CEP162: variants seen among roughly 807,000 people sequenced by gnomAD.
The protein encoded by CEP162 is centrosomal protein of 162 kDa.
CEP162 carries 141 observed loss-of-function variants against 169.2 expected under a neutral mutation model. That is an observed-to-expected ratio of 0.83 (90% CI 0.73 to 0.96). CEP162 has a LOEUF of 0.96. CEP162 is among the 40% of genes least tolerant of loss of function. The pLI is 0.00. For missense variants in CEP162, 1,600 were observed against 1,587.2 expected, an observed-to-expected ratio of 1.01 and a Z score of -0.14; for synonymous variants, 540 against 526.4, an observed-to-expected ratio of 1.03 and a Z score of -0.35.
intron 25 of CEP162, among the ~76,000 whole-genome samples, chr6:84,127,353 T>C (rs538929584): frequency 6.6e-6 from 1 of 152,266 alleles, no homozygotes; most frequent in South Asian, 2.1e-4. Flanking sequence ...GTATCTTACC[T>C]ACATTAGTTG....
chr6:84,208,429 T>C (rs1458899703), intron 6 of CEP162, among the ~76,000 whole-genome samples: 1 of 152,196 alleles, frequency 6.6e-6, no homozygotes, highest in Non-Finnish European at 1.5e-5. Context: ...AGAAACAGGA[T>C]GGCTTGATGG....
intron 2 of CEP162, among the ~76,000 whole-genome samples, chr6:84,221,460 G>A (rs1446631828): frequency 3.9e-5 from 6 of 152,150 alleles, no homozygotes; most frequent in Non-Finnish European, 8.8e-5. Flanking sequence ...GAAAAAACGG[G>A]AGGATACAGT....
intron 12 of CEP162, 125 bp downstream of exon 12, chr6:84,186,207 A>C (rs2099537073): frequency 1.7e-6 from 1 of 571,592 alleles, no homozygotes; most frequent in Non-Finnish European, 3.1e-6. Flanking sequence ...TCCAAGATCT[A>C]CTGTGGAGGT....
At position 84,174,741 on chromosome 6, in the gene CEP162, T is replaced by A. The variant is rs781364434; in HGVS notation, c.2011A>T (p.Ile671Phe). The A allele has an allele frequency of 9.5e-6, 14 of 1,469,686 alleles. 1 individual carries two copies. Among genetic ancestry groups the A allele is most frequent in the Middle Eastern group, 1.7e-4 (1 of 5,818 alleles). 91.0% of individuals were successfully genotyped at this position (1,469,686 alleles called of 1,614,324 possible). ...GTATCTAGTACCTTGGCTTGAAGAA[T>A]ATAATTATCTTGATTCAATTTGAAG... is the stretch of plus-strand genomic sequence containing the variant. The part of the protein sequence containing the change: ...ELFKLNQDNY[I>F]LQAKLSSFEE... Residue 671 changes from isoleucine to phenylalanine, a missense_variant, in exon 15 of 27, where the codon ATT (isoleucine) becomes TTT (phenylalanine). Physicochemically the swap from Ile to Phe is conservative, Grantham distance 21. Transcript: ENST00000403245.
chr6:84,174,675 T>C (rs2099531633), intron 15 of CEP162, 52 bp downstream of exon 15: 2 of 214,400 alleles, frequency 9.3e-6, no homozygotes, highest in South Asian at 9.8e-5. Context: ...GGAATTCAGC[T>C]TTTTTTTTTT....
chr6:84,224,066 C>T (rs962077541), intron 2 of CEP162, among the ~76,000 whole-genome samples: 1 of 152,132 alleles, frequency 6.6e-6, no homozygotes, highest in African/African-American at 2.4e-5. Context: ...AAAACACATC[C>T]ACACAAAAAC....
Position 84,175,353 on chromosome 6 carries a change from T to C in CEP162, c.1664-6A>G, listed in dbSNP as rs1366781523. 1.3e-6 allele frequency: 2 copies of C among 1,529,632 alleles called. No individual in the cohort carries two copies. Among genetic ancestry groups the C allele is most frequent in the Non-Finnish European group, 1.8e-6 (2 of 1,134,070 alleles). The allele number at this position is 1,529,632 out of a possible 1,614,324, so 94.8% of individuals were successfully genotyped here. ...TTTTGTTCCAGATAAGATTTCTAAATATTATAAACAATGTATAAATGCACC... is the reference window on the plus strand; with the variant it reads ...TTTTGTTCCAGATAAGATTTCTAAACATTATAAACAATGTATAAATGCACC... On this transcript the variant is annotated splice_region_variant and splice_polypyrimidine_tract_variant and intron_variant, in intron 13 of 26. Coordinates refer to ENST00000403245, the MANE Select transcript of CEP162 (RefSeq NM_014895.4).
intron 25 of CEP162, among the ~76,000 whole-genome samples, chr6:84,141,724 G>C (rs2099516737): frequency 6.6e-6 from 1 of 152,262 alleles, no homozygotes; most frequent in South Asian, 2.1e-4. Context: ...GAGATAAACA[G>C]AACACTGTCT....
chr6:84,190,744 C>T (rs910949598), intron 11 of CEP162, among the ~76,000 whole-genome samples: 2 of 152,248 alleles, frequency 1.3e-5, no homozygotes, highest in Admixed American at 6.5e-5. Context: ...AGAGCTGTAA[C>T]ACTCACCGCG....
chr6:84,153,348 C>T (rs2099521859), intron 22 of CEP162, among the ~76,000 whole-genome samples, 169 bp from the exon 23 acceptor site: 1 of 152,110 alleles, frequency 6.6e-6, no homozygotes, highest in Non-Finnish European at 1.5e-5. Context: ...AAGTCCTAGT[C>T]TTTCAGGGCA....
chr6:84,163,784 G>A (rs1378991829), intron 18 of CEP162, among the ~76,000 whole-genome samples: 1 of 151,894 alleles, frequency 6.6e-6, no homozygotes, highest in African/African-American at 2.4e-5. Flanking sequence ...TGGCCAACAA[G>A]GTGAAACCAC....
intron 6 of CEP162, among the ~76,000 whole-genome samples, chr6:84,205,416 T>C (rs2099546470): frequency 6.6e-6 from 1 of 152,172 alleles, no homozygotes; most frequent in South Asian, 2.1e-4. Context: ...TGGTTCAACA[T>C]ATGCAAATTA....
intron 19 of CEP162, among the ~76,000 whole-genome samples, chr6:84,162,544 CTAAGT>C (rs1455839652): frequency 6.6e-6 from 1 of 152,136 alleles, no homozygotes; most frequent in Non-Finnish European, 1.5e-5. Context: ...TTCTGCCACT[CTAAGT>C]TATAGAACAT....
chr6:84,163,821 C>G (rs906132963), intron 18 of CEP162, among the ~76,000 whole-genome samples: 6 of 151,692 alleles, frequency 4.0e-5, no homozygotes, highest in Non-Finnish European at 8.8e-5. Flanking sequence ...CAAAATTAGC[C>G]AGGCAAGGTG....
intron 25 of CEP162, among the ~76,000 whole-genome samples, chr6:84,138,258 G>A (rs2099515005): frequency 6.6e-6 from 1 of 152,208 alleles, no homozygotes; most frequent in Admixed American, 6.5e-5. Flanking sequence ...TGAAACAACT[G>A]TTTTCAGACA....
intron 25 of CEP162, among the ~76,000 whole-genome samples, chr6:84,131,996 C>G (rs971138664): frequency 6.6e-6 from 1 of 152,088 alleles, no homozygotes; most frequent in African/African-American, 2.4e-5. Context: ...TTCCTTTCCA[C>G]GTTTAGTGCT....
At chr6:84,174,273 T>C (rs2099531398) in intron 15 of CEP162, 85 bp from the exon 16 acceptor site, 4 of 1,067,660 alleles carry the variant, frequency 3.7e-6, no homozygotes, top group Non-Finnish European at 5.4e-6. Flanking sequence ...AACTCCTATT[T>C]AGATCGAAAA....
At chr6:84,180,207 C>T (rs540126820) in intron 13 of CEP162, among the ~76,000 whole-genome samples, 67 of 152,238 alleles carry the variant, frequency 4.4e-4, no homozygotes, top group African/African-American at 1.4e-3. Context: ...AATCAATAAA[C>T]GCAATCCAGC....
intron 13 of CEP162, among the ~76,000 whole-genome samples, chr6:84,180,938 T>A (rs1221819551): frequency 6.6e-6 from 1 of 152,172 alleles, no homozygotes; most frequent in South Asian, 2.1e-4. Context: ...ATTTATAGAT[T>A]CAGTGCCATC....
Sources: allele counts gnomAD v4.1 joint callset (sites outside exome capture counted in the v4.1 genomes callset), GRCh38; gene constraint gnomAD v4.1.1; transcripts MANE v1.5; gene names NCBI Gene and HGNC (gene_info 2026-07-23, HGNC 2026-07-21).